The following BAIAP3 variants were observed in gnomAD, a reference collection of about 807,000 sequenced individuals.
The protein encoded by BAIAP3 is BAI1-associated protein 3.
Under a neutral mutation model 149.7 loss-of-function variants are expected in BAIAP3, and 180 were observed. The ratio of observed to expected loss-of-function variants is 1.20; its 90% CI spans 1.07 to 1.36. BAIAP3 has a LOEUF of 1.36. Ranked by LOEUF, BAIAP3 falls within the 40% of genes most tolerant of loss-of-function variation. The pLI, the probability that BAIAP3 is intolerant of heterozygous loss-of-function variation, is 0.00. For missense variants in BAIAP3, 1,767 were observed against 1,563.4 expected (o/e 1.13, Z -2.20); for synonymous variants, 845 against 670.7 (o/e 1.26, Z -4.02).
intron 5 of BAIAP3, 56 bp from the exon 6 acceptor site, chr16:1,340,866 G>A: frequency 1.3e-6 from 2 of 1,531,766 alleles, no homozygotes; most frequent in Non-Finnish European, 1.8e-6. Flanking sequence ...CCAGCACAGT[G>A]GCCAGCCTCG....
At chr16:1,338,411 A>G (rs2033614546) in intron 1 of BAIAP3, 129 bp from the exon 2 acceptor site, 1 of 1,240,022 alleles carries the variant, frequency 8.1e-7, no homozygotes, top group South Asian at 1.5e-5. Flanking sequence ...AGCGCCATCC[A>G]GGCTGTGGGT....
intron 14 of BAIAP3, 68 bp downstream of exon 14, chr16:1,343,084 C>T: frequency 6.6e-6 from 8 of 1,206,022 alleles, no homozygotes; most frequent in South Asian, 3.8e-5. Flanking sequence ...CATCGGGGGC[C>T]ATGCGGTGAG....
intron 14 of BAIAP3, 183 bp from the exon 15 acceptor site, chr16:1,343,210 A>T: frequency 8.9e-7 from 1 of 1,127,116 alleles, no homozygotes. Context: ...AGGCAGCGAA[A>T]GGGGCGGTGC....
intron 8 of BAIAP3, 91 bp from the exon 9 acceptor site, chr16:1,341,731 G>A: frequency 2.1e-6 from 3 of 1,404,284 alleles, no homozygotes; most frequent in Admixed American, 2.1e-5. Flanking sequence ...GGGTGCTTGT[G>A]GCCTGGTCCC....
In BAIAP3 at chr16:1,348,214, G is replaced by A. The variant is rs144201701; in HGVS notation, c.3268G>A (p.Val1090Ile). The A allele has an allele frequency of 3.0e-5, 49 of 1,608,358 alleles. No individual in the cohort carries two copies. Among genetic ancestry groups the A allele is most frequent in the Middle Eastern group, 1.7e-4 (1 of 6,058 alleles). ...AGEAALGLGG[V>I]TGVARPQVGG... is the part of the protein sequence containing the mutation. Reference sequence around the variant, plus strand: ...GGAGGCGGCCCTCGGCCTAGGTGGCGTCACTGGTGTCGCCCGGCCCCAGGT... The same window carrying A: ...GGAGGCGGCCCTCGGCCTAGGTGGCATCACTGGTGTCGCCCGGCCCCAGGT... Residue 1090 changes from valine (V) to isoleucine (I), a missense_variant, in exon 33 of 34, where the codon GTC (valine) becomes ATC (isoleucine). Coordinates refer to ENST00000426824, the MANE Select transcript of BAIAP3 (RefSeq NM_001199097.2).
In BAIAP3 at chr16:1,344,266, G is replaced by A; in HGVS notation, c.1551G>A (p.Glu517=). The A allele has an allele frequency of 6.2e-7, 1 of 1,613,834 alleles. No individual in the cohort carries two copies. The highest frequency in any genetic ancestry group is 1.6e-4 in the Middle Eastern group (1 of 6,062). ...TGCAGCTCTTCCAACCCTCCTTTGA[G>A]ATCTGCCCCTTCGAGTCGGAGCTGA... ...GKLQLFQPSF[E]ICPFESELNM... Residue 517 remains glutamate, a synonymous_variant, in exon 17 of 34, where the codon GAG becomes GAA. Coordinates refer to ENST00000426824, the MANE Select transcript of BAIAP3 (RefSeq NM_001199097.2).
chr16:1,345,858 C>G lies in BAIAP3; in HGVS notation c.2176C>G (p.Gln726Glu), dbSNP rs1193804745. 7 of 1,579,778 alleles carry G rather than the reference C, an allele frequency of 4.4e-6. No individual in the cohort carries two copies. The highest frequency in any genetic ancestry group is 2.7e-5 in the African/African-American group (2 of 74,314). Residue 726 changes from glutamine (Q) to glutamate (E), a missense_variant, in exon 23 of 34, where the codon CAG becomes GAG. Transcript: ENST00000426824. ...WVRLAWPDPA[Q>E]AQGLGTQLGQ... ...GCGCCTGGCGTGGCCTGACCCTGCC[C>G]AGGCTCAGGGGCTGGGCACCCAGCT...
Position 1,346,462 on chromosome 16 carries a change from G to A in BAIAP3, c.2514G>A (p.Lys838=), listed in dbSNP as rs753684214. ...LTSKMVGDIR[K]YVQHISLSPD... is the part of the protein sequence containing the mutation. ...CTCAGATGGTGGGCGACATCCGCAA[G>A]TATGTACAGCACATCAGTCTCTCGC... The change falls in exon 26 of 34, where the codon AAG becomes AAA. Residue 838 remains lysine, a synonymous_variant. Transcript: ENST00000426824. 4.3e-6 allele frequency: 7 copies of A among 1,612,410 alleles called. No individual in the cohort carries two copies. Among genetic ancestry groups the A allele is most frequent in the Admixed American group, 1.7e-5 (1 of 59,928 alleles).
intron 5 of BAIAP3, among the ~76,000 whole-genome samples, chr16:1,339,871 A>G (rs11248870): frequency 0.031 from 3,018 of 96,674 alleles, no homozygotes; most frequent in Admixed American, 0.054. Context: ...AGGTGCACAC[A>G]GACACACGCA....
Position 1,347,800 on chromosome 16 carries a change from C to T in BAIAP3, c.3004C>T (p.Leu1002=), listed in dbSNP as rs2034482294. The T allele has an allele frequency of 6.2e-7, 1 of 1,606,436 alleles. No homozygotes were observed. The highest frequency in any genetic ancestry group is 2.2e-5 in the East Asian group (1 of 44,690). Residue 1002 remains leucine, a synonymous_variant, in exon 31 of 34, where the codon CTG becomes TTG. Transcript: ENST00000426824. ...CGTGGAGGTGCTGCACGCCGCGGAC[C>T]TGCTCCCCCTGGACGCCAACGGTGA... The part of the protein sequence containing the change: ...LAVEVLHAAD[L]LPLDANGLSD...
chr16:1,341,475 G>A lies in BAIAP3; in HGVS notation c.717G>A (p.Lys239=). Residue 239 remains lysine (K), a synonymous_variant, in exon 8 of 34, where the codon AAG becomes AAA. Transcript: ENST00000426824. The part of the protein sequence containing the change: ...VKSSTLNPVW[K]EHFLFEIEDV... Reference sequence around the variant, plus strand: ...GCAGCACCCTGAACCCCGTCTGGAAGGAGCACTTCCTCTTGTGAGGCCCTC... The same window carrying A: ...GCAGCACCCTGAACCCCGTCTGGAAAGAGCACTTCCTCTTGTGAGGCCCTC... 8 of 1,609,800 alleles carry A rather than the reference G, an allele frequency of 5.0e-6. No homozygotes were observed. The highest frequency in any genetic ancestry group is 1.1e-5 in the South Asian group (1 of 90,996).
At position 1,339,040 on chromosome 16, in the gene BAIAP3, C is replaced by G. The variant is rs764249688; in HGVS notation, c.219+51C>G. ...ATACCACAGCCCAGCATGGGGCTCC[C>G]CCTTTGCTCCTCCCCGCTCCCTCCT... On this transcript the variant is annotated intron_variant, in intron 3 of 33. Coordinates refer to ENST00000426824, the MANE Select transcript of BAIAP3 (RefSeq NM_001199097.2). 3.7e-6 allele frequency: 6 copies of G among 1,607,492 alleles called. No individual in the cohort carries two copies. In the African/African-American group the frequency reaches 8.0e-5, roughly 21 times the overall value.
Position 1,347,533 on chromosome 16 carries a change from T to C in BAIAP3, c.2824-12T>C, listed in dbSNP as rs953778370. 1.9e-6 allele frequency: 3 copies of C among 1,598,608 alleles called. No homozygotes were observed. The highest frequency in any genetic ancestry group is 1.3e-5 in the African/African-American group (1 of 74,502). On this transcript the variant is annotated splice_polypyrimidine_tract_variant and intron_variant, in intron 29 of 33. Transcript: ENST00000426824. Reference sequence around the variant, plus strand: ...CACCCAGGGGCCCCTCCTGATGCGCTTCCCCCTGCAGAGGCTGAAGGAGGA... The same window carrying C: ...CACCCAGGGGCCCCTCCTGATGCGCCTCCCCCTGCAGAGGCTGAAGGAGGA...
At position 1,342,020 on chromosome 16, in the gene BAIAP3, T is replaced by C. The variant is rs1328457436; in HGVS notation, c.811T>C (p.Cys271Arg). ...CGACGATGTATCCCTGGTAGAAGCG[T>C]GCAGGAAGCTGAATGAAGTCATCGG... ...HDDDVSLVEA[C>R]RKLNEVIGLK... Residue 271 changes from cysteine (C) to arginine (R), a missense_variant, in exon 10 of 34, where the codon TGC becomes CGC. Transcript: ENST00000426824. The C allele has an allele frequency of 6.2e-7, 1 of 1,607,022 alleles. No individual in the cohort carries two copies. Among genetic ancestry groups the C allele is most frequent in the South Asian group, 1.1e-5 (1 of 90,188 alleles).
chr16:1,334,288 C>G (rs938832067), intron 1 of BAIAP3, among the ~76,000 whole-genome samples: 1 of 151,760 alleles, frequency 6.6e-6, no homozygotes, highest in Admixed American at 6.6e-5. Context: ...GGGCTGTGGG[C>G]TCTTGCCTGG....
intron 5 of BAIAP3, 132 bp from the exon 6 acceptor site, chr16:1,340,790 G>A: frequency 3.1e-6 from 3 of 959,870 alleles, no homozygotes; most frequent in Non-Finnish European, 3.2e-6. Context: ...TGCCTCCCAG[G>A]CTTCCCCCAA....
chr16:1,337,459 G>A (rs2033535173), intron 1 of BAIAP3, among the ~76,000 whole-genome samples: 2 of 152,232 alleles, frequency 1.3e-5, no homozygotes, highest in South Asian at 2.1e-4. Flanking sequence ...CGGAGGTTGC[G>A]GTGAGCGGAG....
intron 1 of BAIAP3, among the ~76,000 whole-genome samples, chr16:1,335,729 C>T (rs371516756): frequency 5.9e-4 from 90 of 152,296 alleles, no homozygotes; most frequent in South Asian, 2.5e-3. Flanking sequence ...TGTGCCAAGA[C>T]GCCATTATTG....
At position 1,349,355 on chromosome 16, in the gene BAIAP3, G is replaced by A. The variant is rs566991835; in HGVS notation, c.*873G>A. ...GTCCTGCCAGCAGCCGCAAAGAGCC[G>A]AGGCTGCCAGGCCCATTTATGTCCC... On this transcript the variant is annotated 3_prime_UTR_variant, in exon 34 of 34. Coordinates refer to ENST00000426824, the MANE Select transcript of BAIAP3 (RefSeq NM_001199097.2). 60 of 1,524,416 alleles carry A rather than the reference G, an allele frequency of 3.9e-5. No homozygotes were observed. In the African/African-American group the frequency reaches 6.6e-4, roughly 17 times the overall value. The allele number at this position is 1,524,416 out of a possible 1,614,324, so 94.4% of individuals were successfully genotyped here. A position where few individuals can be genotyped will look rare whatever the true frequency, so the allele number is the denominator to read the frequency against.
Sources: gnomAD v4.1 joint callset for allele counts (sites outside exome capture counted in the v4.1 genomes callset) on GRCh38, gnomAD v4.1.1 for gene constraint, MANE v1.5 for transcripts, NCBI Gene and HGNC (gene_info 2026-07-23, HGNC 2026-07-21) for gene names.